The following HNF1B variants were observed in gnomAD, a reference collection of about 807,000 sequenced individuals.
HNF1B encodes hepatocyte nuclear factor 1-beta.
A neutral mutation model predicts 61.7 loss-of-function variants in HNF1B; 8 were observed. That is an observed-to-expected ratio of 0.13 (90% CI 0.08 to 0.23). HNF1B has a LOEUF of 0.23. Ranked by LOEUF, HNF1B falls within the 10% of genes least tolerant of loss-of-function variation. The pLI is 1.00. For missense variants in HNF1B, 562 were observed against 714.5 expected, an observed-to-expected ratio of 0.79 and a Z score of 2.43; for synonymous variants, 314 against 287.7, an observed-to-expected ratio of 1.09 and a Z score of -0.93.
At chr17:37,703,315 G>A (rs2032632797) in intron 6 of HNF1B, among the ~76,000 whole-genome samples, 1 of 152,208 alleles carries the variant, frequency 6.6e-6, no homozygotes, top group South Asian at 2.1e-4. Context: ...GGAGATTAAG[G>A]AGCATCGTGA....
chr17:37,689,154 A>C (rs2032100402), intron 8 of HNF1B, among the ~76,000 whole-genome samples: 1 of 151,174 alleles, frequency 6.6e-6, no homozygotes, highest in East Asian at 1.9e-4. Context: ...CACAAAAAAA[A>C]AAAAAAAAAA....
chr17:37,708,801 A>G (rs2032836388), intron 5 of HNF1B, among the ~76,000 whole-genome samples: 1 of 152,164 alleles, frequency 6.6e-6, no homozygotes. Context: ...ATGCCCTTTC[A>G]TTTTTGTTTG....
intron 8 of HNF1B, among the ~76,000 whole-genome samples, chr17:37,697,520 A>G (rs2032424955): frequency 6.6e-6 from 1 of 152,182 alleles, no homozygotes; most frequent in Non-Finnish European, 1.5e-5. Context: ...AGCAACCATC[A>G]AAGTCAACTT....
At chr17:37,739,696 T>C in intron 1 of HNF1B, 57 bp from the exon 2 acceptor site, 2 of 1,430,534 alleles carry the variant, frequency 1.4e-6, no homozygotes, top group East Asian at 4.8e-5. Context: ...GGAGAAACAT[T>C]CTTTTTCTAG....
chr17:37,744,416 C>G (rs909773550), intron 1 of HNF1B, 125 bp downstream of exon 1: 8 of 946,178 alleles, frequency 8.5e-6, no homozygotes, highest in Non-Finnish European at 1.3e-5. Context: ...AAGCAGAGCG[C>G]CCCCCGGGGG....
chr17:37,701,433 C>A (rs760972095), intron 6 of HNF1B, among the ~76,000 whole-genome samples: 2 of 152,194 alleles, frequency 1.3e-5, no homozygotes, highest in Non-Finnish European at 2.9e-5. Context: ...CCAGAGTCAT[C>A]CTGTGACCTC....
intron 1 of HNF1B, among the ~76,000 whole-genome samples, chr17:37,740,429 A>G (rs2033960396): frequency 6.6e-6 from 1 of 152,044 alleles, no homozygotes; most frequent in South Asian, 2.1e-4. Context: ...TTTAGCTTCA[A>G]CCTCTCCTAC....
chr17:37,744,560 C>G lies in HNF1B; in HGVS notation c.325G>C (p.Glu109Gln), dbSNP rs757044850. 1 of 1,604,062 alleles carries G rather than the reference C, an allele frequency of 6.2e-7. No homozygotes were observed. The highest frequency in any genetic ancestry group is 8.5e-7 in the Non-Finnish European group (1 of 1,179,884). The change falls in exon 1 of 9, where the codon GAG (glutamate) becomes CAG (glutamine). Residue 109 changes from glutamate to glutamine, a missense_variant. Around this residue, in one of 6 missense-constraint regions of HNF1B, gnomAD observed 148 missense variants for 147.3 expected, o/e 1.00. Transcript: ENST00000617811. ...NTEEAAEQRA[E>Q]VDRMLSEDPW... ...GCCTACCTGAGCATCCGGTCCACCTCCGCCCGCTGCTCCGCCGCCTCCTCG... is the reference window on the plus strand; with the variant it reads ...GCCTACCTGAGCATCCGGTCCACCTGCGCCCGCTGCTCCGCCGCCTCCTCG...
At chr17:37,693,061 G>A (rs1257166085) in intron 8 of HNF1B, among the ~76,000 whole-genome samples, 2 of 151,898 alleles carry the variant, frequency 1.3e-5, no homozygotes, top group East Asian at 1.9e-4. Flanking sequence ...GTGGTGGCCT[G>A]TGCCTGTAGT....
intron 4 of HNF1B, among the ~76,000 whole-genome samples, chr17:37,718,264 C>CT (rs2033190489): frequency 6.6e-6 from 1 of 152,226 alleles, no homozygotes; most frequent in Admixed American, 6.5e-5. Context: ...AACAGAAACT[C>CT]TGTGTGTCCT....
intron 7 of HNF1B, among the ~76,000 whole-genome samples, chr17:37,700,019 T>C (rs935887442): frequency 6.6e-6 from 1 of 152,272 alleles, no homozygotes. Context: ...TATTTCATAT[T>C]CATAATGACT....
intron 4 of HNF1B, among the ~76,000 whole-genome samples, chr17:37,719,380 G>A (rs2033231764): frequency 6.6e-6 from 1 of 152,192 alleles, no homozygotes; most frequent in Non-Finnish European, 1.5e-5. Flanking sequence ...AACCGAGTTT[G>A]GGGGCTACTG....
chr17:37,705,787 A>G (rs2032727075), intron 5 of HNF1B, among the ~76,000 whole-genome samples: 2 of 152,168 alleles, frequency 1.3e-5, no homozygotes, highest in Non-Finnish European at 2.9e-5. Flanking sequence ...TAGAACTTAC[A>G]GTATTAAACA....
At chr17:37,702,420 G>A (rs554205074) in intron 6 of HNF1B, among the ~76,000 whole-genome samples, 1 of 152,210 alleles carries the variant, frequency 6.6e-6, no homozygotes, top group South Asian at 2.1e-4. Flanking sequence ...GTGGGGGCTG[G>A]GGGTGCCACC....
At chr17:37,727,369 T>C (rs2033534465) in intron 4 of HNF1B, among the ~76,000 whole-genome samples, 1 of 152,162 alleles carries the variant, frequency 6.6e-6, no homozygotes, top group East Asian at 1.9e-4. Context: ...GATAAATGGC[T>C]GCCTGCAGCC....
chr17:37,712,048 T>A (rs1190409485), intron 4 of HNF1B, among the ~76,000 whole-genome samples: 2 of 152,148 alleles, frequency 1.3e-5, no homozygotes, highest in Non-Finnish European at 2.9e-5. Context: ...TCCTAAGGAC[T>A]TTACCCAAGG....
At chr17:37,704,626 T>C (rs1026277650) in intron 6 of HNF1B, among the ~76,000 whole-genome samples, 5 of 152,206 alleles carry the variant, frequency 3.3e-5, no homozygotes, top group Non-Finnish European at 5.9e-5. Context: ...TAACAACCTA[T>C]TTTATAGATG....
chr17:37,687,941 C>G (rs550808047), intron 8 of HNF1B, among the ~76,000 whole-genome samples: 10 of 152,152 alleles, frequency 6.6e-5, no homozygotes, highest in Non-Finnish European at 1.2e-4. Flanking sequence ...CCAGGGTGTG[C>G]CAGTGCTGCT....
chr17:37,732,828 G>C (rs116087881), intron 3 of HNF1B, among the ~76,000 whole-genome samples: 1 of 148,010 alleles, frequency 6.8e-6, no homozygotes, highest in East Asian at 2.0e-4. Context: ...AAATAACACA[G>C]AGTTGTTTTT....
Sources: allele counts gnomAD v4.1 joint callset (sites outside exome capture counted in the v4.1 genomes callset), GRCh38; gene constraint gnomAD v4.1.1; regional missense constraint gnomAD v4.1.1; transcripts MANE v1.5; gene names NCBI Gene and HGNC (gene_info 2026-07-23, HGNC 2026-07-21).